FHIT: variants seen among roughly 807,000 people sequenced by gnomAD.
FHIT encodes the protein fragile histidine triad diadenosine triphosphatase, also known as bis(5'-adenosyl)-triphosphatase.
In FHIT, 19 loss-of-function variants were observed where a neutral mutation model predicts 17.9. The ratio of observed to expected loss-of-function variants is 1.06; its 90% confidence interval spans 0.74 to 1.56. The LOEUF is 1.56. Among genes scored for constraint, FHIT ranks in the 40% most tolerant of loss-of-function variants. The probability of loss-of-function intolerance (pLI) is 0.00; values close to 1 mark genes in which losing one functional copy is unlikely to be tolerated. For synonymous variants in FHIT, 81 were observed against 69.7 expected, an observed-to-expected ratio of 1.16 and a Z score of -0.81; for missense variants, 248 against 189.2, an observed-to-expected ratio of 1.31 and a Z score of -1.82.
At chr3:59,818,294 G>C (rs1402867210) in intron 8 of FHIT, among the ~76,000 whole-genome samples, 2 of 152,058 alleles carry the variant, frequency 1.3e-5, no homozygotes, top group South Asian at 2.1e-4. Flanking sequence ...CCCACAGCTT[G>C]TTCAGCCTCC....
intron 7 of FHIT, among the ~76,000 whole-genome samples, chr3:59,963,540 G>C (rs1037746567): frequency 9.2e-5 from 14 of 152,126 alleles, no homozygotes; most frequent in Admixed American, 4.6e-4. Flanking sequence ...TCAGTGGATA[G>C]GGATGAGAAG....
At chr3:61,190,626 G>A (rs2038683296) in intron 2 of FHIT, among the ~76,000 whole-genome samples, 1 of 152,168 alleles carries the variant, frequency 6.6e-6, no homozygotes, top group Non-Finnish European at 1.5e-5. Flanking sequence ...AAAGACACAT[G>A]CATACGTATG....
intron 5 of FHIT, among the ~76,000 whole-genome samples, chr3:60,042,938 C>T (rs1440671671): frequency 6.6e-6 from 1 of 152,102 alleles, no homozygotes; most frequent in Non-Finnish European, 1.5e-5. Flanking sequence ...CTGTTTGTTA[C>T]CTTGATGAAG....
At chr3:60,162,245 G>T (rs565177540) in intron 5 of FHIT, among the ~76,000 whole-genome samples, 2 of 152,060 alleles carry the variant, frequency 1.3e-5, no homozygotes, top group African/African-American at 2.4e-5. Context: ...TTAAAATTTT[G>T]TTGTGTCATT....
chr3:59,922,182 G>A (rs552027456), intron 8 of FHIT, among the ~76,000 whole-genome samples, 164 bp downstream of exon 8: 23 of 152,238 alleles, frequency 1.5e-4, no homozygotes, highest in South Asian at 6.2e-4. Flanking sequence ...GGGTTCCCAC[G>A]ATGGCCATTC....
At chr3:60,773,537 CT>C (rs1193840334) in intron 4 of FHIT, among the ~76,000 whole-genome samples, 6 of 152,014 alleles carry the variant, frequency 3.9e-5, no homozygotes, top group African/African-American at 1.4e-4. Flanking sequence ...TGTTTTTTTT[CT>C]ATGTCTTCTC....
At chr3:60,675,079 G>A (rs782047357) in intron 4 of FHIT, among the ~76,000 whole-genome samples, 5 of 152,210 alleles carry the variant, frequency 3.3e-5, no homozygotes, top group Non-Finnish European at 7.3e-5. Flanking sequence ...GTGAATGCAA[G>A]GCTTGCCTCA....
chr3:61,166,056 G>C (rs2037827731), intron 2 of FHIT, among the ~76,000 whole-genome samples: 1 of 152,238 alleles, frequency 6.6e-6, no homozygotes, highest in Middle Eastern at 3.4e-3. Flanking sequence ...CGTGCATAGG[G>C]CTCTTAGGAA....
At chr3:59,987,792 T>G (rs79462722) in intron 7 of FHIT, among the ~76,000 whole-genome samples, 2 of 152,064 alleles carry the variant, frequency 1.3e-5, no homozygotes, top group Admixed American at 6.6e-5. Context: ...GGCCTACTTA[T>G]GTTTTTCAAA....
intron 5 of FHIT, among the ~76,000 whole-genome samples, chr3:60,187,443 T>A (rs1400699549): frequency 6.6e-6 from 1 of 152,192 alleles, no homozygotes; most frequent in South Asian, 2.1e-4. Flanking sequence ...GTTCCATTGC[T>A]GGTGCCCTCG....
At chr3:60,687,346 T>C (rs1553698686) in intron 4 of FHIT, among the ~76,000 whole-genome samples, 3 of 152,184 alleles carry the variant, frequency 2.0e-5, no homozygotes, top group South Asian at 2.1e-4. Flanking sequence ...ATTTAAAATA[T>C]TGATACATAG....
At chr3:60,785,100 A>C (rs1379651319) in intron 4 of FHIT, among the ~76,000 whole-genome samples, 4 of 152,222 alleles carry the variant, frequency 2.6e-5, no homozygotes, top group Non-Finnish European at 5.9e-5. Flanking sequence ...CAGAAGCCAG[A>C]GGTGTAACTG....
chr3:60,422,970 C>G (rs547951647), intron 5 of FHIT, among the ~76,000 whole-genome samples: 2 of 152,236 alleles, frequency 1.3e-5, no homozygotes, highest in South Asian at 2.1e-4. Flanking sequence ...GATACTCTAC[C>G]TACACTTGTA....
intron 4 of FHIT, among the ~76,000 whole-genome samples, chr3:60,758,814 A>G (rs1699537453): frequency 1.3e-5 from 2 of 152,214 alleles, no homozygotes; most frequent in Non-Finnish European, 2.9e-5. Context: ...GGAGAATCAG[A>G]AAATAAACAA....
At chr3:60,321,548 G>A (rs1709434078) in intron 5 of FHIT, among the ~76,000 whole-genome samples, 1 of 152,102 alleles carries the variant, frequency 6.6e-6, no homozygotes, top group Non-Finnish European at 1.5e-5. Flanking sequence ...CAGGCATTGA[G>A]GGGTTACAAA....
At chr3:61,126,016 G>A (rs761164246) in intron 2 of FHIT, among the ~76,000 whole-genome samples, 4 of 152,198 alleles carry the variant, frequency 2.6e-5, no homozygotes, top group Non-Finnish European at 4.4e-5. Flanking sequence ...AAGATCCAGT[G>A]CTTAGCTAAG....
At position 59,986,574 on chromosome 3, in the gene FHIT, TACACACACACACACACACAC is replaced by T. The variant is rs1203741421; in HGVS notation, c.279+24777_279+24796del. On this transcript the variant is annotated intron_variant, in intron 7 of 9. Transcript: ENST00000492590. ...ACACACACACACACACACACATATATACACACACACACACACACACACATATATATGTGTACATATATGTC... is the reference window on the plus strand; with the variant it reads ...ACACACACACACACACACACATATATACATATATATGTGTACATATATGTC... 3.0e-4 allele frequency among the ~76,000 whole-genome samples: 18 copies of T among 59,808 alleles called. 1 individual carries two copies. The highest frequency in any genetic ancestry group is 1.4e-3 in the Admixed American group (5 of 3,550). 39.2% of individuals were successfully genotyped at this position (59,808 alleles called of 152,430 possible). A position where few individuals can be genotyped will look rare whatever the true frequency, so the allele number is the denominator to read the frequency against.
At chr3:60,689,698 T>C (rs1471408710) in intron 4 of FHIT, among the ~76,000 whole-genome samples, 1 of 152,204 alleles carries the variant, frequency 6.6e-6, no homozygotes, top group Non-Finnish European at 1.5e-5. Flanking sequence ...GAATACATTT[T>C]AAAACTTTCA....
At chr3:60,350,460 A>G (rs1711030452) in intron 5 of FHIT, among the ~76,000 whole-genome samples, 1 of 152,206 alleles carries the variant, frequency 6.6e-6, no homozygotes, top group South Asian at 2.1e-4. Context: ...TCTACATATT[A>G]TCTCCAAAAT....
Sources: gnomAD v4.1 joint callset for allele counts (sites outside exome capture counted in the v4.1 genomes callset) on GRCh38, gnomAD v4.1.1 for gene constraint, MANE v1.5 for transcripts, NCBI Gene and HGNC (gene_info 2026-07-23, HGNC 2026-07-21) for gene names.